The following ATL3 variants were observed in gnomAD, a reference collection of about 807,000 sequenced individuals.
ATL3 encodes the protein atlastin GTPase 3, also known as atlastin-3.
ATL3 carries 49 observed loss-of-function variants against 69.5 expected under a neutral mutation model. The observed-to-expected ratio is 0.71, with a 90% CI of 0.56 to 0.89. The LOEUF is 0.89. Among genes scored for constraint, ATL3 ranks in the 40% least tolerant of loss-of-function variants. ATL3 has a pLI of 0.00. For missense variants in ATL3, 606 were observed against 645.7 expected, an observed-to-expected ratio of 0.94 and a Z score of 0.67; for synonymous variants, 214 against 224.1, an observed-to-expected ratio of 0.95 and a Z score of 0.40.
upstream of ATL3, chr11:63,671,377 G>C (rs1465813326): frequency 6.4e-7 from 1 of 1,555,874 alleles, no homozygotes; most frequent in Non-Finnish European, 8.7e-7. Flanking sequence ...GGGTGCAGAG[G>C]AGAGGGACGG....
intron 1 of ATL3, among the ~76,000 whole-genome samples, chr11:63,669,969 G>A (rs1229904422): frequency 6.6e-6 from 1 of 151,988 alleles, no homozygotes; most frequent in Non-Finnish European, 1.5e-5. Context: ...AGCCGCGCAT[G>A]GTGGAGAGCG....
chr11:63,659,979 T>C (rs1008263232), intron 1 of ATL3, among the ~76,000 whole-genome samples: 2 of 151,694 alleles, frequency 1.3e-5, no homozygotes, highest in Non-Finnish European at 2.9e-5. Flanking sequence ...TGTATACATA[T>C]GTAACTAACC....
chr11:63,657,926 G>A (rs1273269551), intron 3 of ATL3, among the ~76,000 whole-genome samples: 6 of 147,220 alleles, frequency 4.1e-5, no homozygotes, highest in African/African-American at 1.3e-4. Context: ...GTGTGATCTC[G>A]GCTCACTGCA....
intron 1 of ATL3, among the ~76,000 whole-genome samples, chr11:63,668,172 T>C (rs1165857703): frequency 6.6e-6 from 1 of 152,164 alleles, no homozygotes; most frequent in Non-Finnish European, 1.5e-5. Context: ...CCTTATAAAA[T>C]ATCATATTCT....
chr11:63,659,397 C>T (rs1012154004), intron 1 of ATL3, 145 bp from the exon 2 acceptor site: 2 of 663,230 alleles, frequency 3.0e-6, no homozygotes, highest in African/African-American at 1.8e-5. Context: ...GAAACCAAAG[C>T]AGAAAGATTA....
In ATL3 at chr11:63,624,528, G is replaced by A. The variant is rs1939040331; in HGVS notation, c.*4791C>T. ...CTTAGGTCACTAATGACAGGAATTA[G>A]GATCTTGTCTTCTTTCTTGTTCATT... is the stretch of plus-strand genomic sequence containing the variant. On this transcript the variant is annotated 3_prime_UTR_variant, in exon 13 of 13. Transcript: ENST00000398868. The A allele has an allele frequency of 1.3e-5, 2 of 152,132 alleles. No individual in the cohort carries two copies. Among genetic ancestry groups the A allele is most frequent in the Admixed American group, 1.3e-4 (2 of 15,258 alleles). The allele number at this position is 152,132 out of a possible 1,614,324, so 9.4% of individuals were successfully genotyped here.
intron 1 of ATL3, among the ~76,000 whole-genome samples, chr11:63,663,777 A>G (rs1311825901): frequency 1.3e-5 from 2 of 152,200 alleles, no homozygotes; most frequent in African/African-American, 2.4e-5. Flanking sequence ...TGTTCCCCCA[A>G]TATTAATTTC....
chr11:63,632,128 A>ATTTTTTTT, intron 11 of ATL3: 3 of 350,732 alleles, frequency 8.6e-6, no homozygotes, highest in South Asian at 3.8e-5. Flanking sequence ...ACATGCTTTA[A>ATTTTTTTT]TTTTTTTTTT....
intron 3 of ATL3, among the ~76,000 whole-genome samples, chr11:63,658,331 T>C (rs568501353): frequency 6.6e-6 from 1 of 152,212 alleles, no homozygotes; most frequent in South Asian, 2.1e-4. Context: ...TCCTGAATTA[T>C]TCAAGGAAAC....
chr11:63,670,619 G>A (rs1940739398), intron 1 of ATL3: 1 of 152,230 alleles, frequency 6.6e-6, no homozygotes, highest in African/African-American at 2.4e-5. Flanking sequence ...CTTCGGGAAA[G>A]CAAAAGAACA....
chr11:63,641,025 A>G (rs1939683525), intron 8 of ATL3, among the ~76,000 whole-genome samples: 1 of 152,214 alleles, frequency 6.6e-6, no homozygotes, highest in Non-Finnish European at 1.5e-5. Flanking sequence ...ATTCATAAAG[A>G]TGATCATTTA....
chr11:63,636,111 T>C, intron 9 of ATL3, 96 bp downstream of exon 9: 2 of 1,512,282 alleles, frequency 1.3e-6, no homozygotes, highest in Admixed American at 4.1e-5. Context: ...CCCCAGAAAA[T>C]TTTTAAGTTT....
intron 7 of ATL3, 105 bp from the exon 8 acceptor site, chr11:63,643,600 G>C: frequency 1.3e-5 from 13 of 1,010,576 alleles, no homozygotes; most frequent in South Asian, 2.0e-5. Context: ...AACTCTGATG[G>C]ATCATAGTGG....
chr11:63,671,671 G>A, upstream of ATL3: 2 of 1,365,892 alleles, frequency 1.5e-6, no homozygotes, highest in Non-Finnish European at 1.9e-6. Context: ...CGTCCTTTGG[G>A]AATTGTAGTC....
At chr11:63,656,326 T>C (rs1307247781) in intron 3 of ATL3, among the ~76,000 whole-genome samples, 3 of 151,894 alleles carry the variant, frequency 2.0e-5, no homozygotes, top group East Asian at 1.9e-4. Flanking sequence ...TATATACCTA[T>C]GTACCCACGA....
At chr11:63,631,771 C>T (rs1939327439) in intron 11 of ATL3, among the ~76,000 whole-genome samples, 1 of 152,134 alleles carries the variant, frequency 6.6e-6, no homozygotes, top group Non-Finnish European at 1.5e-5. Flanking sequence ...CACTTGAGGT[C>T]AGGAGTTTGA....
intron 11 of ATL3, chr11:63,632,708 A>G (rs1178295634): frequency 2.4e-6 from 3 of 1,264,018 alleles, no homozygotes; most frequent in Admixed American, 3.5e-5. Context: ...ATGGCCACAG[A>G]TTTTCTGATG....
At chr11:63,640,966 G>A (rs1169050248) in intron 8 of ATL3, among the ~76,000 whole-genome samples, 1 of 152,178 alleles carries the variant, frequency 6.6e-6, no homozygotes, top group Non-Finnish European at 1.5e-5. Context: ...AAGTGGGATA[G>A]TGGATCAAAG....
chr11:63,659,289 A>G, intron 1 of ATL3, 37 bp from the exon 2 acceptor site: 1 of 1,579,414 alleles, frequency 6.3e-7, no homozygotes, highest in Non-Finnish European at 8.7e-7. Context: ...AGTGTCAAAT[A>G]TTTAAAATAT....
Sources: gnomAD v4.1 joint callset for allele counts (sites outside exome capture counted in the v4.1 genomes callset) on GRCh38, gnomAD v4.1.1 for gene constraint, MANE v1.5 for transcripts, NCBI Gene and HGNC (gene_info 2026-07-23, HGNC 2026-07-21) for gene names.